Variants in CFAP97 observed in about 807,000 individuals in gnomAD.
The protein encoded by CFAP97 is cilia- and flagella-associated protein 97.
A neutral mutation model predicts 43.1 loss-of-function variants in CFAP97; 36 were observed. That is an observed-to-expected ratio of 0.84 (90% CI 0.64 to 1.10). The LOEUF (loss-of-function observed/expected upper bound fraction) is 1.10. Among genes scored for constraint, CFAP97 ranks in the 50% least tolerant of loss-of-function variants. The pLI is 0.00. For missense variants in CFAP97, 657 were observed against 620.3 expected (o/e 1.06, Z -0.63); for synonymous variants, 228 against 225.7 (o/e 1.01, Z -0.09).
intron 2 of CFAP97, among the ~76,000 whole-genome samples, chr4:185,179,900 T>C (rs192119678): frequency 2.0e-5 from 3 of 152,208 alleles, no homozygotes; most frequent in Non-Finnish European, 4.4e-5. Context: ...TTCCCAAATG[T>C]TATTTTCCAG....
chr4:185,170,216 T>C, intron 3 of CFAP97: 1 of 616,900 alleles, frequency 1.6e-6, no homozygotes, highest in Non-Finnish European at 2.8e-6. Context: ...TGTGGTGGTG[T>C]AAGCCTGTAG....
chr4:185,161,383 G>GA lies in CFAP97; in HGVS notation c.*1414dup. On this transcript the variant is annotated 3_prime_UTR_variant, in exon 5 of 5. Transcript: ENST00000458385. The stretch of plus-strand genomic sequence containing the variant: ...ACACCTTACTGTTAAAGGTGCTAAG[G>GA]AAAAAAGCATTCAGCATACATGCTA... 1 of 152,158 alleles carries GA rather than the reference G, an allele frequency of 6.6e-6. No individual in the cohort carries two copies. Among genetic ancestry groups the GA allele is most frequent in the Non-Finnish European group, 1.5e-5 (1 of 67,982 alleles). 9.4% of individuals were successfully genotyped at this position (152,158 alleles called of 1,614,324 possible).
chr4:185,166,978 T>C (rs797022313), intron 3 of CFAP97, among the ~76,000 whole-genome samples: 19 of 152,182 alleles, frequency 1.2e-4, no homozygotes, highest in African/African-American at 4.3e-4. Context: ...TTATGAGATT[T>C]TTTTTTGGTG....
intron 2 of CFAP97, among the ~76,000 whole-genome samples, chr4:185,185,508 T>C (rs543568998): frequency 6.6e-6 from 1 of 152,224 alleles, no homozygotes; most frequent in Middle Eastern, 3.4e-3. Context: ...TAGCAAAAAA[T>C]AGTATTTTAG....
chr4:185,185,195 T>C (rs1015820138), intron 2 of CFAP97, among the ~76,000 whole-genome samples: 4 of 152,150 alleles, frequency 2.6e-5, no homozygotes, highest in African/African-American at 9.7e-5. Flanking sequence ...GTGCTGGCAG[T>C]GAGCTGTACT....
At chr4:185,184,340 G>A (rs1735921966) in intron 2 of CFAP97, among the ~76,000 whole-genome samples, 1 of 152,200 alleles carries the variant, frequency 6.6e-6, no homozygotes, top group South Asian at 2.1e-4. Flanking sequence ...CTTCCAGGGT[G>A]AGCCTGCTTG....
At chr4:185,196,542 G>C (rs1300675359) in intron 1 of CFAP97, among the ~76,000 whole-genome samples, 1 of 151,908 alleles carries the variant, frequency 6.6e-6, no homozygotes, top group Non-Finnish European at 1.5e-5. Context: ...TTACTTAAAT[G>C]CATTGAGTGT....
chr4:185,196,185 C>T (rs897609928), intron 1 of CFAP97, among the ~76,000 whole-genome samples: 4 of 152,068 alleles, frequency 2.6e-5, no homozygotes, highest in African/African-American at 7.2e-5. Flanking sequence ...ATCAAGAGTG[C>T]ATTATAGGCC....
chr4:185,203,402 TAA>T (rs1202074348), intron 1 of CFAP97, among the ~76,000 whole-genome samples: 1 of 152,170 alleles, frequency 6.6e-6, no homozygotes, highest in Admixed American at 6.5e-5. Flanking sequence ...TTTCTGTAGT[TAA>T]ACAGCACAGT....
At chr4:185,203,558 G>C (rs1737016494) in intron 1 of CFAP97, among the ~76,000 whole-genome samples, 2 of 152,246 alleles carry the variant, frequency 1.3e-5, no homozygotes, top group African/African-American at 2.4e-5. Flanking sequence ...GGTTAGGTTC[G>C]AGTCCCTACA....
rs572172288 is a variant in CFAP97, at chr4:185,161,174, C to T, written c.*1624G>A. 43 of 152,156 alleles carry T rather than the reference C, an allele frequency of 2.8e-4. No individual in the cohort carries two copies. The highest frequency in any genetic ancestry group is 9.2e-4 in the African/African-American group (38 of 41,524). 9.4% of individuals were successfully genotyped at this position (152,156 alleles called of 1,614,324 possible). ...AGGTATAGTAACTTGTTCACCAGAACAGAGCATCGAATAACATTGAATGAA... is the reference window on the plus strand; with the variant it reads ...AGGTATAGTAACTTGTTCACCAGAATAGAGCATCGAATAACATTGAATGAA... On this transcript the variant is annotated 3_prime_UTR_variant, in exon 5 of 5. Transcript: ENST00000458385.
Position 185,160,911 on chromosome 4 carries a change from T to A in CFAP97, c.*1887A>T, listed in dbSNP as rs572001893. ...TTATAAAAAAGATTTTTTATATATA[T>A]AAAAAGATTATATATATAAAACATA... On this transcript the variant is annotated 3_prime_UTR_variant, in exon 5 of 5. Transcript: ENST00000458385. 2.1e-3 allele frequency: 310 copies of A among 147,022 alleles called. No homozygotes were observed. Among genetic ancestry groups the A allele is most frequent in the African/African-American group, 7.2e-3 (296 of 40,834 alleles). 9.1% of individuals were successfully genotyped at this position (147,022 alleles called of 1,614,324 possible).
Position 185,191,012 on chromosome 4 carries a change from T to C in CFAP97, c.185A>G (p.Asn62Ser), listed in dbSNP as rs910482525. The change falls in exon 2 of 5, where the codon AAT becomes AGT. Residue 62 changes from asparagine (N) to serine (S), a missense_variant. Physicochemically the swap from Asn to Ser is conservative, Grantham distance 46. Transcript: ENST00000458385. ...TTCATTTCCCTTCTCAGTAAGATAA[T>C]TTTCTGTTGTTTGCATTCCAGTGTT... is the stretch of plus-strand genomic sequence containing the variant. ...NSNTGMQTTENYLTEKGNERN... is the reference protein window; with the variant it reads ...NSNTGMQTTESYLTEKGNERN... The C allele has an allele frequency of 5.6e-6, 9 of 1,613,528 alleles. No homozygotes were observed. The highest frequency in any genetic ancestry group is 6.8e-6 in the Non-Finnish European group (8 of 1,179,684).
At chr4:185,173,838 T>C (rs563868505) in intron 3 of CFAP97, among the ~76,000 whole-genome samples, 2 of 152,324 alleles carry the variant, frequency 1.3e-5, no homozygotes, top group Admixed American at 1.3e-4. Flanking sequence ...GTGGATATGC[T>C]TAATGCCACT....
chr4:185,188,665 G>GT (rs1736105230), intron 2 of CFAP97, among the ~76,000 whole-genome samples: 1 of 151,930 alleles, frequency 6.6e-6, no homozygotes, highest in South Asian at 2.1e-4. Context: ...TAATATAAGA[G>GT]TAAGTCACTG....
In CFAP97 at chr4:185,190,663, A is replaced by G; in HGVS notation, c.534T>C (p.Ser178=). ...CTGTACCTGAACCTGAAGATGAGGA[A>G]GATAAAGAGGAGGAGGAAGAGGAGC... ...KVSSSSSSSL[S]SSSSGSGTDC... The change falls in exon 2 of 5, where the codon TCT becomes TCC. Residue 178 remains serine (S), a synonymous_variant. Transcript: ENST00000458385. The G allele has an allele frequency of 1.3e-6, 2 of 1,580,408 alleles. No homozygotes were observed. Among genetic ancestry groups the G allele is most frequent in the Admixed American group, 1.9e-5 (1 of 53,164 alleles).
intron 3 of CFAP97, among the ~76,000 whole-genome samples, chr4:185,166,841 A>G (rs746313069): frequency 9.8e-5 from 15 of 152,378 alleles, no homozygotes; most frequent in Non-Finnish European, 2.1e-4. Flanking sequence ...ATCAAAATAC[A>G]AAGTGTTGAT....
Position 185,190,911 on chromosome 4 carries a change from C to G in CFAP97, c.286G>C (p.Ala96Pro). 1 of 1,613,552 alleles carries G rather than the reference C, an allele frequency of 6.2e-7. No individual in the cohort carries two copies. ...TQTVSSFSLP[A>P]SSRSKKLCDV... ...CACAATTTTTTTGATCTTGAAGAGG[C>G]TGGCAATGAGAAAGAACTTACAGTT... Residue 96 changes from alanine (A) to proline (P), a missense_variant, in exon 2 of 5, where the codon GCC becomes CCC. Physicochemically the swap from Ala to Pro is conservative, Grantham distance 27. Transcript: ENST00000458385.
chr4:185,173,042 TG>T (rs1735366663), intron 3 of CFAP97, among the ~76,000 whole-genome samples: 1 of 151,856 alleles, frequency 6.6e-6, no homozygotes, highest in Admixed American at 6.6e-5. Flanking sequence ...TCACCAGGCC[TG>T]GACTAATAGG....
Sources: allele counts gnomAD v4.1 joint callset (sites outside exome capture counted in the v4.1 genomes callset), GRCh38; gene constraint gnomAD v4.1.1; transcripts MANE v1.5; gene names NCBI Gene and HGNC (gene_info 2026-07-23, HGNC 2026-07-21).